LTBP1: variants seen among roughly 807,000 people sequenced by gnomAD.
LTBP1 encodes the protein latent-transforming growth factor beta-binding protein 1.
Under a neutral mutation model 207.6 loss-of-function variants are expected in LTBP1, and 129 were observed. The observed-to-expected ratio is 0.62, with a 90% CI of 0.54 to 0.72. The LOEUF is 0.72. Among genes scored for constraint, LTBP1 ranks in the 30% least tolerant of loss-of-function variants. The pLI, the probability that LTBP1 is intolerant of heterozygous loss-of-function variation, is 0.00. For missense variants in LTBP1, 2,281 were observed against 2,217.2 expected, an observed-to-expected ratio of 1.03 and a Z score of -0.58; for synonymous variants, 963 against 833.7, an observed-to-expected ratio of 1.16 and a Z score of -2.67.
At chr2:33,103,066 A>C (rs545031241) in intron 3 of LTBP1, among the ~76,000 whole-genome samples, 1 of 151,404 alleles carries the variant, frequency 6.6e-6, no homozygotes, top group South Asian at 2.1e-4. Flanking sequence ...CACTGTCTGT[A>C]TGCATAATCT....
At chr2:33,315,104 G>A (rs780065910) in intron 23 of LTBP1, 40 bp from the exon 24 acceptor site, 9 of 1,537,590 alleles carry the variant, frequency 5.9e-6, no homozygotes, top group African/African-American at 4.6e-5. Context: ...GAATGAAACC[G>A]ATTTTTTTCA....
intron 5 of LTBP1, among the ~76,000 whole-genome samples, chr2:33,161,576 C>G (rs1041873903): frequency 1.3e-5 from 2 of 152,150 alleles, no homozygotes; most frequent in African/African-American, 4.8e-5. Flanking sequence ...CAGGAAGCTT[C>G]TTTATAGAGA....
chr2:33,030,400 T>G (rs187278134), intron 3 of LTBP1, among the ~76,000 whole-genome samples: 26 of 152,270 alleles, frequency 1.7e-4, no homozygotes, highest in African/African-American at 6.3e-4. Flanking sequence ...TCTCCATTCC[T>G]CTTTCATTCC....
intron 3 of LTBP1, among the ~76,000 whole-genome samples, chr2:33,105,482 G>A (rs2080013963): frequency 6.6e-6 from 1 of 151,456 alleles, no homozygotes; most frequent in Non-Finnish European, 1.5e-5. Flanking sequence ...TGTTGCCCAG[G>A]CTGGAGTGCA....
intron 5 of LTBP1, among the ~76,000 whole-genome samples, chr2:33,165,207 T>C (rs2084813964): frequency 6.6e-6 from 1 of 152,108 alleles, no homozygotes; most frequent in Admixed American, 6.5e-5. Flanking sequence ...GAAGAAAGCA[T>C]ATTGGAGGGA....
chr2:33,280,662 A>C (rs1263464294), intron 19 of LTBP1, among the ~76,000 whole-genome samples: 1 of 152,192 alleles, frequency 6.6e-6, no homozygotes, highest in African/African-American at 2.4e-5. Context: ...TCTACCATGT[A>C]ATCTTTTTCC....
At chr2:33,257,150 C>A in intron 11 of LTBP1, 134 bp from the exon 12 acceptor site, 1 of 655,814 alleles carries the variant, frequency 1.5e-6, no homozygotes, top group South Asian at 2.7e-5. Flanking sequence ...TTACATTTTG[C>A]ACCTGTTTTT....
intron 2 of LTBP1, among the ~76,000 whole-genome samples, chr2:33,015,622 G>A (rs1004985435): frequency 2.2e-5 from 3 of 134,276 alleles, no homozygotes; most frequent in Admixed American, 1.5e-4. Context: ...TACAAAGGTC[G>A]TGATAGGGCT....
At chr2:33,352,548 G>A (rs1316403157) in intron 26 of LTBP1, among the ~76,000 whole-genome samples, 2 of 152,016 alleles carry the variant, frequency 1.3e-5, no homozygotes, top group Non-Finnish European at 2.9e-5. Flanking sequence ...CTACCTCCAG[G>A]GTGTCCTTCA....
intron 11 of LTBP1, among the ~76,000 whole-genome samples, chr2:33,255,425 G>C (rs931454760): frequency 1.3e-5 from 2 of 152,102 alleles, no homozygotes; most frequent in South Asian, 4.2e-4. Flanking sequence ...TCAGTGTGGC[G>C]ATTCCTCAGG....
intron 7 of LTBP1, among the ~76,000 whole-genome samples, chr2:33,204,583 T>C (rs1401989150): frequency 6.6e-6 from 1 of 150,692 alleles, no homozygotes; most frequent in Non-Finnish European, 1.5e-5. Flanking sequence ...TTTTTTTTTC[T>C]TTTTCTTTTT....
At chr2:33,107,364 T>C (rs1024116220) in intron 3 of LTBP1, among the ~76,000 whole-genome samples, 1 of 152,234 alleles carries the variant, frequency 6.6e-6, no homozygotes, top group African/African-American at 2.4e-5. Context: ...GGTTTCTCGG[T>C]GCACTTTGAA....
At chr2:33,261,159 G>A (rs2092998823) in intron 13 of LTBP1, among the ~76,000 whole-genome samples, 1 of 152,144 alleles carries the variant, frequency 6.6e-6, no homozygotes, top group Non-Finnish European at 1.5e-5. Flanking sequence ...TAATCAGTGG[G>A]GAAATACCCT....
At chr2:33,173,165 T>A (rs919278325) in intron 5 of LTBP1, among the ~76,000 whole-genome samples, 6 of 151,376 alleles carry the variant, frequency 4.0e-5, no homozygotes, top group African/African-American at 1.5e-4. Flanking sequence ...AGAGCAGAAG[T>A]GAAGGAAATA....
At chr2:33,311,782 A>G (rs984635245) in intron 23 of LTBP1, among the ~76,000 whole-genome samples, 3 of 152,168 alleles carry the variant, frequency 2.0e-5, no homozygotes, top group Non-Finnish European at 1.5e-5. Flanking sequence ...CTCTCAATAT[A>G]TTAAATTTGT....
intron 5 of LTBP1, among the ~76,000 whole-genome samples, chr2:33,176,627 C>T (rs889913322): frequency 6.6e-6 from 1 of 152,122 alleles, no homozygotes; most frequent in Non-Finnish European, 1.5e-5. Context: ...AATTCAACAG[C>T]CCAGCACTAG....
chr2:33,172,357 G>C (rs1014739241), intron 5 of LTBP1, among the ~76,000 whole-genome samples: 1 of 152,104 alleles, frequency 6.6e-6, no homozygotes, highest in Non-Finnish European at 1.5e-5. Flanking sequence ...TGCAATCCTA[G>C]TCTCTGATAA....
intron 24 of LTBP1, among the ~76,000 whole-genome samples, chr2:33,342,364 A>G (rs528010265): frequency 1.3e-5 from 2 of 152,298 alleles, no homozygotes; most frequent in Admixed American, 1.3e-4. Context: ...CTTCCTGAGG[A>G]TGTTGTGTAG....
intron 23 of LTBP1, among the ~76,000 whole-genome samples, chr2:33,311,811 C>T (rs2094192354): frequency 1.3e-5 from 2 of 152,172 alleles, no homozygotes; most frequent in Admixed American, 1.3e-4. Flanking sequence ...TTTGATATCA[C>T]CTCTCAAATA....
Sources: allele counts gnomAD v4.1 joint callset (sites outside exome capture counted in the v4.1 genomes callset), GRCh38; gene constraint gnomAD v4.1.1; transcripts MANE v1.5; gene names NCBI Gene and HGNC (gene_info 2026-07-23, HGNC 2026-07-21).